RNF216: variants seen among roughly 807,000 people sequenced by gnomAD.
RNF216 encodes ring finger protein 216.
In RNF216, 72 loss-of-function variants were observed where a neutral mutation model predicts 110.8. The ratio of observed to expected loss-of-function variants is 0.65; its 90% CI spans 0.54 to 0.79. RNF216 has a LOEUF of 0.79. Among genes scored for constraint, RNF216 ranks in the 30% least tolerant of loss-of-function variants. The probability of loss-of-function intolerance (pLI) is 0.00; values close to 1 mark genes in which losing one functional copy is unlikely to be tolerated. For missense variants in RNF216, 1,342 were observed against 1,141.2 expected (o/e 1.18, Z -2.54); for synonymous variants, 495 against 407.5 (o/e 1.21, Z -2.59).
intron 13 of RNF216, among the ~76,000 whole-genome samples, chr7:5,687,253 G>A (rs955634881): frequency 1.3e-5 from 2 of 151,822 alleles, no homozygotes; most frequent in Admixed American, 1.3e-4. Context: ...AAAATAAACT[G>A]GGCATGGTGG....
At chr7:5,672,725 A>AG (rs769730103) in intron 13 of RNF216, among the ~76,000 whole-genome samples, 3 of 152,160 alleles carry the variant, frequency 2.0e-5, no homozygotes, top group Non-Finnish European at 4.4e-5. Flanking sequence ...AGAGAAGGCC[A>AG]GTGAGGAGGC....
At chr7:5,713,340 T>C (rs936969672) in intron 11 of RNF216, 2 of 154,638 alleles carry the variant, frequency 1.3e-5, no homozygotes, top group African/African-American at 4.8e-5. Flanking sequence ...CTGAGAGAAA[T>C]GAGGAAGATC....
chr7:5,721,050 T>C lies in RNF216; in HGVS notation c.1627A>G (p.Ile543Val), dbSNP rs1206449047. 1 of 1,614,238 alleles carries C rather than the reference T, an allele frequency of 6.2e-7. No individual in the cohort carries two copies. The highest frequency in any genetic ancestry group is 8.5e-7 in the Non-Finnish European group (1 of 1,180,032). Residue 543 changes from isoleucine to valine, a missense_variant, in exon 9 of 17, where the codon ATC becomes GTC. By Grantham distance (29) the Ile-to-Val change is conservative. Transcript: ENST00000389902. ...CTTCCTACCTCTGCCATCTCTTTGA[T>C]TTTCTGCTCATAGAACTCCTGCTCT... The part of the protein sequence containing the change: ...QQEQEFYEQK[I>V]KEMAEHEDFL...
intron 13 of RNF216, among the ~76,000 whole-genome samples, chr7:5,669,851 C>A (rs1258712919): frequency 6.6e-6 from 1 of 151,978 alleles, no homozygotes; most frequent in Non-Finnish European, 1.5e-5. Context: ...GAGATCGCAC[C>A]ACTGCACTCC....
At chr7:5,709,297 C>T (rs914240379) in intron 13 of RNF216, among the ~76,000 whole-genome samples, 1 of 152,172 alleles carries the variant, frequency 6.6e-6, no homozygotes, top group South Asian at 2.1e-4. Context: ...CAGAAAGATG[C>T]CAGGAGTTGG....
intron 13 of RNF216, among the ~76,000 whole-genome samples, chr7:5,659,528 A>C (rs1308075304): frequency 1.3e-5 from 2 of 152,198 alleles, no homozygotes; most frequent in African/African-American, 2.4e-5. Flanking sequence ...GACTGAGGCT[A>C]TAGGAAGGAG....
rs1294186655 is a variant in RNF216, at chr7:5,624,966, G to A, written c.2383-841C>T. ...CACCCGTGATGCCTGCTTCATGAGT[G>A]GCGCTTACCTTAACCCCCCTCCTCA... is the stretch of plus-strand genomic sequence containing the variant. On this transcript the variant is annotated intron_variant, in intron 15 of 16. Transcript: ENST00000389902. This position sits in a 1 kb window ranked among gnomAD's most constrained non-coding sequence, Gnocchi z 4.4. Among the ~76,000 whole-genome samples, 1 of 152,136 alleles carries A rather than the reference G, an allele frequency of 6.6e-6. No individual in the cohort carries two copies. The highest frequency in any genetic ancestry group is 1.5e-5 in the Non-Finnish European group (1 of 67,990).
intron 1 of RNF216, among the ~76,000 whole-genome samples, chr7:5,773,247 T>C (rs1169862314): frequency 6.9e-6 from 1 of 143,960 alleles, no homozygotes; most frequent in Non-Finnish European, 1.5e-5. Flanking sequence ...CCAAATAAGA[T>C]TTTTTTTTTT....
chr7:5,761,186 C>G lies in RNF216; in HGVS notation c.-69-48G>C, dbSNP rs908276863. 2.0e-4 allele frequency: 122 copies of G among 599,540 alleles called. No individual in the cohort carries two copies. In the Middle Eastern group the frequency reaches 2.6e-3, roughly 13 times the overall value. The allele number at this position is 599,540 out of a possible 1,614,324, so 37.1% of individuals were successfully genotyped here. A position where few individuals can be genotyped will look rare whatever the true frequency, so the allele number is the denominator to read the frequency against. ...CAGTAAGAATGAGGGAGTATCAAAA[C>G]TCTTGCCATGTATCTGGTCAGGGGA... On this transcript the variant is annotated intron_variant, in intron 1 of 16. Transcript: ENST00000389902.
chr7:5,670,185 C>T (rs549283073), intron 13 of RNF216, among the ~76,000 whole-genome samples: 2 of 152,198 alleles, frequency 1.3e-5, no homozygotes, highest in African/African-American at 4.8e-5. Flanking sequence ...GCACCCGCCT[C>T]GGCCTCCCAA....
chr7:5,721,551 A>G (rs556670871), intron 8 of RNF216, among the ~76,000 whole-genome samples: 1 of 152,322 alleles, frequency 6.6e-6, no homozygotes, highest in Non-Finnish European at 1.5e-5. Context: ...TATGTCCGCA[A>G]TTTACCTGCG....
At chr7:5,645,036 C>G (rs565291743) in intron 14 of RNF216, among the ~76,000 whole-genome samples, 11 of 151,864 alleles carry the variant, frequency 7.2e-5, no homozygotes, top group African/African-American at 2.7e-4. Context: ...AGGGTCATCT[C>G]GAACTCCTGA....
chr7:5,704,192 GTCC>G (rs1792142710), intron 13 of RNF216, among the ~76,000 whole-genome samples: 1 of 152,096 alleles, frequency 6.6e-6, no homozygotes, highest in Non-Finnish European at 1.5e-5. Flanking sequence ...AGCCATTCAA[GTCC>G]TCCTCCAGAG....
intron 13 of RNF216, among the ~76,000 whole-genome samples, chr7:5,705,082 C>T (rs941388057): frequency 6.6e-6 from 1 of 152,134 alleles, no homozygotes; most frequent in African/African-American, 2.4e-5. Context: ...CACCTTACCC[C>T]TCTCCTCCTC....
chr7:5,737,106 G>A (rs1053074138), intron 5 of RNF216, among the ~76,000 whole-genome samples: 1 of 152,264 alleles, frequency 6.6e-6, no homozygotes, highest in Non-Finnish European at 1.5e-5. Context: ...GGAAAAGATA[G>A]AGAAATCAGA....
intron 1 of RNF216, among the ~76,000 whole-genome samples, chr7:5,776,594 C>CAAAA (rs35304255): frequency 2.9e-4 from 18 of 62,446 alleles, no homozygotes; most frequent in Admixed American, 8.8e-4. Context: ...GACTCCGTCT[C>CAAAA]AAAAAAAAAA....
At chr7:5,623,823 C>G (rs1786541297) in intron 16 of RNF216, among the ~76,000 whole-genome samples, 1 of 152,156 alleles carries the variant, frequency 6.6e-6, no homozygotes, top group Non-Finnish European at 1.5e-5. Flanking sequence ...AAACCCACCC[C>G]TTGGGACTTC....
At position 5,622,825 on chromosome 7, in the gene RNF216, C is replaced by T. The variant is rs373733949; in HGVS notation, c.*35G>A. 2.6e-5 allele frequency: 41 copies of T among 1,552,392 alleles called. No homozygotes were observed. Among genetic ancestry groups the T allele is most frequent in the Non-Finnish European group, 3.3e-5 (38 of 1,144,322 alleles). ...TCTCCATCCACACTCCTACCCCAAA[C>T]GGGCTTTGTGCTGCTCAATGGGGAT... On this transcript the variant is annotated 3_prime_UTR_variant, in exon 17 of 17. Transcript: ENST00000389902.
chr7:5,654,983 T>G (rs570159451), intron 13 of RNF216, among the ~76,000 whole-genome samples: 127 of 152,322 alleles, frequency 8.3e-4, no homozygotes, highest in Non-Finnish European at 1.5e-3. Flanking sequence ...GAGCTGATGT[T>G]TGGCTCCTAA....
Sources: gnomAD v4.1 joint callset for allele counts (sites outside exome capture counted in the v4.1 genomes callset) on GRCh38, gnomAD v4.1.1 for gene constraint, Gnocchi (gnomAD v3.1) non-coding constraint, MANE v1.5 for transcripts, NCBI Gene and HGNC (gene_info 2026-07-23, HGNC 2026-07-21) for gene names.